KCNIP4: variants seen among roughly 807,000 people sequenced by gnomAD.
KCNIP4 encodes the protein Kv channel-interacting protein 4.
A neutral mutation model predicts 34.0 loss-of-function variants in KCNIP4; 12 were observed. That is an observed-to-expected ratio of 0.35 (90% CI 0.23 to 0.57). KCNIP4 has a LOEUF of 0.57. Among genes scored for constraint, KCNIP4 ranks in the 20% least tolerant of loss-of-function variants. The pLI is 0.83. For synonymous variants in KCNIP4, 124 were observed against 102.2 expected, an observed-to-expected ratio of 1.21 and a Z score of -1.29; for missense variants, 238 against 311.7, an observed-to-expected ratio of 0.76 and a Z score of 1.78.
intron 1 of KCNIP4, among the ~76,000 whole-genome samples, chr4:21,650,425 A>C (rs1030207080): frequency 3.3e-5 from 5 of 152,202 alleles, no homozygotes; most frequent in African/African-American, 1.2e-4. Flanking sequence ...AATAACAAAA[A>C]TAAAAACACT....
intron 1 of KCNIP4, among the ~76,000 whole-genome samples, chr4:21,402,612 A>C (rs1035618407): frequency 1.3e-5 from 2 of 152,172 alleles, no homozygotes; most frequent in Non-Finnish European, 2.9e-5. Flanking sequence ...TGTATTCTAA[A>C]GTTTTCAGCT....
At chr4:21,529,850 A>G (rs561035767) in intron 1 of KCNIP4, among the ~76,000 whole-genome samples, 1 of 152,312 alleles carries the variant, frequency 6.6e-6, no homozygotes, top group African/African-American at 2.4e-5. Flanking sequence ...ACATCATGGC[A>G]TGTCTTGAAA....
intron 1 of KCNIP4, among the ~76,000 whole-genome samples, chr4:21,703,718 C>A (rs141038028): frequency 6.6e-6 from 1 of 151,986 alleles, no homozygotes; most frequent in Admixed American, 6.6e-5. Context: ...CTGAAAATTA[C>A]AAAAACTCTG....
intron 1 of KCNIP4, among the ~76,000 whole-genome samples, chr4:21,891,769 G>C (rs576261894): frequency 2.8e-4 from 43 of 152,102 alleles, no homozygotes; most frequent in African/African-American, 9.9e-4. Context: ...TTTATGCCTG[G>C]CTCACCGGTT....
intron 1 of KCNIP4, among the ~76,000 whole-genome samples, chr4:21,562,440 C>T (rs1339261383): frequency 6.6e-6 from 1 of 151,982 alleles, no homozygotes; most frequent in African/African-American, 2.4e-5. Context: ...GTCCCTTCAC[C>T]TCTTTCTGGA....
chr4:20,785,304 T>C (rs1711815133), intron 3 of KCNIP4, among the ~76,000 whole-genome samples: 1 of 149,670 alleles, frequency 6.7e-6, no homozygotes, highest in South Asian at 2.1e-4. Flanking sequence ...ACTTCCCTAC[T>C]TGCTTTTCTT....
intron 1 of KCNIP4, among the ~76,000 whole-genome samples, chr4:21,907,984 A>G (rs1728093147): frequency 6.6e-6 from 1 of 152,164 alleles, no homozygotes. Flanking sequence ...CTTTACGTCA[A>G]CCATTTTAAC....
chr4:21,898,223 A>G (rs1727507312), intron 1 of KCNIP4, among the ~76,000 whole-genome samples: 1 of 152,292 alleles, frequency 6.6e-6, no homozygotes. Context: ...CCAAGCTGCA[A>G]TTCCTGGGCA....
chr4:21,088,847 T>C (rs949444045), intron 1 of KCNIP4, among the ~76,000 whole-genome samples: 5 of 151,412 alleles, frequency 3.3e-5, no homozygotes, highest in African/African-American at 1.2e-4. Flanking sequence ...ATTTGTTCAA[T>C]ATCCATCTTC....
chr4:20,959,806 A>C (rs530436597), intron 1 of KCNIP4, among the ~76,000 whole-genome samples: 98 of 152,358 alleles, frequency 6.4e-4, no homozygotes, highest in African/African-American at 2.3e-3. Flanking sequence ...ATGTATGCTC[A>C]AACCCTGATT....
chr4:21,123,122 G>A (rs1403886019), intron 1 of KCNIP4, among the ~76,000 whole-genome samples: 4 of 152,042 alleles, frequency 2.6e-5, no homozygotes, highest in African/African-American at 7.2e-5. Context: ...GCTGAGGCAG[G>A]AGAATGGCGT....
intron 1 of KCNIP4, among the ~76,000 whole-genome samples, chr4:21,911,508 CTTTT>C (rs67157154): frequency 0.013 from 497 of 37,122 alleles, 6 homozygotes; most frequent in East Asian, 0.069. Context: ...AGGCGCTTGA[CTTTT>C]TTTTTTTTTT....
intron 1 of KCNIP4, among the ~76,000 whole-genome samples, chr4:21,554,464 G>T (rs868853275): frequency 2.0e-5 from 3 of 152,272 alleles, no homozygotes; most frequent in Admixed American, 1.3e-4. Context: ...TGGAGCTAAA[G>T]ATTTAAGTGG....
intron 1 of KCNIP4, among the ~76,000 whole-genome samples, chr4:21,227,692 A>G (rs1351650448): frequency 1.3e-5 from 2 of 152,150 alleles, no homozygotes; most frequent in Non-Finnish European, 2.9e-5. Flanking sequence ...AAACAAAACA[A>G]AAAGCAAAAA....
intron 1 of KCNIP4, among the ~76,000 whole-genome samples, chr4:21,243,023 T>G (rs1463017200): frequency 6.6e-6 from 1 of 152,094 alleles, no homozygotes; most frequent in Non-Finnish European, 1.5e-5. Context: ...AAGCAGAATA[T>G]CTAGCACATA....
At chr4:21,727,742 T>A (rs1174269031) in intron 1 of KCNIP4, among the ~76,000 whole-genome samples, 1 of 151,984 alleles carries the variant, frequency 6.6e-6, no homozygotes, top group Non-Finnish European at 1.5e-5. Flanking sequence ...GACACAAGAA[T>A]CACTTGAACC....
intron 3 of KCNIP4, among the ~76,000 whole-genome samples, chr4:20,804,916 A>G (rs761162369): frequency 6.6e-6 from 1 of 152,140 alleles, no homozygotes; most frequent in Non-Finnish European, 1.5e-5. Flanking sequence ...GTGGTGGTAA[A>G]TCTAACTGAC....
At chr4:21,667,808 T>C (rs1287080539) in intron 1 of KCNIP4, among the ~76,000 whole-genome samples, 3 of 152,188 alleles carry the variant, frequency 2.0e-5, no homozygotes, top group East Asian at 3.9e-4. Flanking sequence ...CTGAATCACA[T>C]TGGACATTGA....
chr4:21,411,737 C>T (rs551223292), intron 1 of KCNIP4, among the ~76,000 whole-genome samples: 2 of 152,228 alleles, frequency 1.3e-5, no homozygotes, highest in East Asian at 3.9e-4. Flanking sequence ...ACTTGGGGGG[C>T]CAAAGTGGGA....
Sources: allele counts gnomAD v4.1 joint callset (sites outside exome capture counted in the v4.1 genomes callset), GRCh38; gene constraint gnomAD v4.1.1; transcripts MANE v1.5; gene names NCBI Gene and HGNC (gene_info 2026-07-23, HGNC 2026-07-21).